Variants in NEGR1 observed in about 807,000 individuals in gnomAD.
The protein encoded by NEGR1 is neuronal growth regulator 1.
NEGR1 carries 10 observed loss-of-function variants against 40.9 expected under a neutral mutation model. That is an observed-to-expected ratio of 0.24 (90% CI 0.15 to 0.42). NEGR1 has a LOEUF of 0.42. Among genes scored for constraint, NEGR1 ranks in the 10% least tolerant of loss-of-function variants. The pLI is 1.00. For missense variants in NEGR1, 352 were observed against 438.9 expected (o/e 0.80, Z 1.77); for synonymous variants, 185 against 166.8 (o/e 1.11, Z -0.84).
rs17091980 is a variant in NEGR1, at chr1:71,954,448, T to C, written c.177-19137A>G. Among the ~76,000 whole-genome samples the C allele has an allele frequency of 5.0e-3, 753 of 152,090 alleles. 6 individuals are homozygous for C. Among genetic ancestry groups the C allele is most frequent in the African/African-American group, 0.017 (688 of 41,528 alleles). On this transcript the variant is annotated intron_variant, in intron 1 of 6. Coordinates refer to ENST00000357731, the MANE Select transcript of NEGR1 (RefSeq NM_173808.3). ...TTTTGATCATATCCTAAGAACTGGA[T>C]AGTAAGCTATGATTCTATATATACT...
chr1:71,618,357 T>G (rs1382799085), intron 4 of NEGR1, among the ~76,000 whole-genome samples: 2 of 152,150 alleles, frequency 1.3e-5, no homozygotes, highest in East Asian at 3.9e-4. Flanking sequence ...AAAGTATGTT[T>G]GGGACAACCT....
intron 1 of NEGR1, among the ~76,000 whole-genome samples, chr1:72,241,906 A>G (rs1175309386): frequency 1.3e-5 from 2 of 151,790 alleles, no homozygotes; most frequent in African/African-American, 4.8e-5. Flanking sequence ...TAAACCTGCA[A>G]GATAAGTCTA....
At chr1:71,699,826 T>G (rs1236848266) in intron 3 of NEGR1, among the ~76,000 whole-genome samples, 1 of 151,842 alleles carries the variant, frequency 6.6e-6, no homozygotes, top group East Asian at 1.9e-4. Context: ...GGCTGGTCTT[T>G]CCATGCTAGT....
At chr1:71,659,338 G>T (rs567204938) in intron 4 of NEGR1, among the ~76,000 whole-genome samples, 13 of 152,164 alleles carry the variant, frequency 8.5e-5, no homozygotes, top group Non-Finnish European at 1.3e-4. Context: ...CCCCAATATG[G>T]ATTACTCTTA....
intron 1 of NEGR1, among the ~76,000 whole-genome samples, chr1:72,111,716 T>C (rs1480712910): frequency 6.6e-6 from 1 of 151,806 alleles, no homozygotes; most frequent in Admixed American, 6.6e-5. Context: ...TTTGCAGTCA[T>C]GGAAACGTTT....
intron 6 of NEGR1, among the ~76,000 whole-genome samples, chr1:71,591,018 T>C (rs1466455110): frequency 6.6e-6 from 1 of 152,142 alleles, no homozygotes; most frequent in Admixed American, 6.6e-5. Context: ...ATGGAATATA[T>C]ATAAAAATAA....
Position 71,826,849 on chromosome 1 carries a change from A to G in NEGR1, c.410-50552T>C, listed in dbSNP as rs1460995484. ...GACTCCTTTTATGGAATACATTTTA[A>G]TGCATTTGTAAGACCAGGGGATAAT... On this transcript the variant is annotated intron_variant, in intron 2 of 6. Coordinates refer to ENST00000357731, the MANE Select transcript of NEGR1 (RefSeq NM_173808.3). 2.0e-5 allele frequency among the ~76,000 whole-genome samples: 3 copies of G among 151,992 alleles called. 1 individual carries two copies. Among genetic ancestry groups the G allele is most frequent in the African/African-American group, 7.2e-5 (3 of 41,440 alleles).
intron 1 of NEGR1, among the ~76,000 whole-genome samples, chr1:72,173,868 G>A (rs1406189333): frequency 3.3e-5 from 5 of 152,036 alleles, no homozygotes; most frequent in African/African-American, 4.8e-5. Flanking sequence ...GCTTGAACCC[G>A]GGAGGTGGAG....
chr1:71,418,467 C>T (rs1646371785), intron 6 of NEGR1, among the ~76,000 whole-genome samples: 1 of 151,970 alleles, frequency 6.6e-6, no homozygotes, highest in Non-Finnish European at 1.5e-5. Context: ...GTGCCCGCCA[C>T]CACGGCCGTC....
At chr1:71,608,134 G>T (rs549058492) in intron 5 of NEGR1, among the ~76,000 whole-genome samples, 2 of 152,052 alleles carry the variant, frequency 1.3e-5, no homozygotes, top group African/African-American at 2.4e-5. Flanking sequence ...GTTTTGAAAC[G>T]AAATTATTCA....
intron 3 of NEGR1, among the ~76,000 whole-genome samples, chr1:71,739,308 A>G (rs1318167074): frequency 6.6e-6 from 1 of 151,798 alleles, no homozygotes; most frequent in East Asian, 1.9e-4. Context: ...CTTGAATGTC[A>G]GACTCCAGGT....
intron 1 of NEGR1, among the ~76,000 whole-genome samples, chr1:72,050,697 C>A (rs1434331991): frequency 6.6e-6 from 1 of 151,508 alleles, no homozygotes; most frequent in Admixed American, 6.6e-5. Flanking sequence ...TTGTATAGTT[C>A]CCCATCTCAC....
intron 1 of NEGR1, among the ~76,000 whole-genome samples, chr1:72,228,142 C>T (rs1280628301): frequency 2.6e-5 from 4 of 152,090 alleles, no homozygotes; most frequent in African/African-American, 7.2e-5. Context: ...GTCAACTTGA[C>T]TTTGCCACAG....
chr1:71,562,958 G>T (rs1648506757), intron 6 of NEGR1, among the ~76,000 whole-genome samples: 1 of 151,878 alleles, frequency 6.6e-6, no homozygotes, highest in Non-Finnish European at 1.5e-5. Flanking sequence ...CTAAGATGTG[G>T]TGCACATCAC....
chr1:72,163,129 C>G (rs1651643714), intron 1 of NEGR1, among the ~76,000 whole-genome samples: 2 of 152,126 alleles, frequency 1.3e-5, no homozygotes, highest in South Asian at 4.1e-4. Context: ...GTGAGATTCA[C>G]TAAATTGTTG....
intron 1 of NEGR1, among the ~76,000 whole-genome samples, chr1:71,944,610 A>G (rs1007053893): frequency 7.9e-5 from 12 of 152,322 alleles, no homozygotes; most frequent in African/African-American, 2.9e-4. Context: ...TTCTAAATTC[A>G]TGTTTTGTAA....
At chr1:71,656,250 G>A (rs1651870535) in intron 4 of NEGR1, among the ~76,000 whole-genome samples, 1 of 152,108 alleles carries the variant, frequency 6.6e-6, no homozygotes, top group Non-Finnish European at 1.5e-5. Context: ...AAAGAAAGCA[G>A]AATTTTCCGT....
chr1:71,445,616 T>A (rs1467268362), intron 6 of NEGR1, among the ~76,000 whole-genome samples: 3 of 152,136 alleles, frequency 2.0e-5, no homozygotes, highest in Admixed American at 6.5e-5. Context: ...AAAACTTCAA[T>A]CTAAACTGCA....
At chr1:71,712,080 T>C (rs953477296) in intron 3 of NEGR1, among the ~76,000 whole-genome samples, 1 of 152,196 alleles carries the variant, frequency 6.6e-6, no homozygotes, top group African/African-American at 2.4e-5. Context: ...ATAAAATTGT[T>C]CTGTATCTTG....
Sources: gnomAD v4.1 joint callset for allele counts (sites outside exome capture counted in the v4.1 genomes callset) on GRCh38, gnomAD v4.1.1 for gene constraint, MANE v1.5 for transcripts, NCBI Gene and HGNC (gene_info 2026-07-23, HGNC 2026-07-21) for gene names.